The following NMUR2 variants were observed in gnomAD, a reference collection of about 807,000 sequenced individuals.
The protein encoded by NMUR2 is neuromedin U receptor 2.
NMUR2 carries 24 observed loss-of-function variants against 25.1 expected under a neutral mutation model. The ratio of observed to expected loss-of-function variants is 0.96; its 90% CI spans 0.69 to 1.34. The LOEUF (loss-of-function observed/expected upper bound fraction) is 1.34. Among genes scored for constraint, NMUR2 ranks in the 40% most tolerant of loss-of-function variants. NMUR2 has a pLI of 0.00. For missense variants in NMUR2, 533 were observed against 512.8 expected (o/e 1.04, Z -0.38); for synonymous variants, 218 against 208.1 (o/e 1.05, Z -0.41).
chr5:152,398,114 C>T lies in NMUR2; in HGVS notation c.757G>A (p.Glu253Lys), dbSNP rs761843539. The T allele has an allele frequency of 5.6e-6, 9 of 1,613,216 alleles. No individual in the cohort carries two copies. The highest frequency in any genetic ancestry group is 3.3e-5 in the Admixed American group (2 of 59,938). Residue 253 changes from glutamate to lysine, a missense_variant, in exon 2 of 4, where the codon GAA becomes AAA. Glu to Lys is a moderately conservative substitution (Grantham distance 56). Transcript: ENST00000255262. ...LKKDKSLEAD[E>K]GNANIQRPCR... ...GGTCTTTGAATATTTGCATTCCCTTCATCTGCCTCAAGAGATTTGTCTTTC... is the reference window on the plus strand; with the variant it reads ...GGTCTTTGAATATTTGCATTCCCTTTATCTGCCTCAAGAGATTTGTCTTTC...
Position 152,391,645 on chromosome 5 carries a change from C to G in NMUR2, c.*546G>C, listed in dbSNP as rs1338624233. 1.3e-5 allele frequency: 2 copies of G among 153,316 alleles called. No homozygotes were observed. The highest frequency in any genetic ancestry group is 4.8e-5 in the African/African-American group (2 of 41,550). The allele number at this position is 153,316 out of a possible 1,614,324, so 9.5% of individuals were successfully genotyped here. A position where few individuals can be genotyped will look rare whatever the true frequency, so the allele number is the denominator to read the frequency against. On this transcript the variant is annotated 3_prime_UTR_variant, in exon 4 of 4. Transcript: ENST00000255262. ...GAAGAAAGATGCCAGCAGATTTGCT[C>G]AACAGCATTGCCACAAACTTTCAAT... is the stretch of plus-strand genomic sequence containing the variant.
At chr5:152,393,764 G>T (rs1171173871) in intron 3 of NMUR2, among the ~76,000 whole-genome samples, 1 of 152,120 alleles carries the variant, frequency 6.6e-6, no homozygotes, top group Non-Finnish European at 1.5e-5. Flanking sequence ...AAGATTTAGT[G>T]GGGGGTGATT....
intron 1 of NMUR2, among the ~76,000 whole-genome samples, chr5:152,403,148 T>C (rs935739238): frequency 3.9e-5 from 6 of 152,184 alleles, no homozygotes; most frequent in African/African-American, 1.4e-4. Context: ...TGTTTTTTTT[T>C]CTTTTTTTAA....
At chr5:152,396,223 C>T (rs1242601650) in intron 2 of NMUR2, among the ~76,000 whole-genome samples, 4 of 107,652 alleles carry the variant, frequency 3.7e-5, no homozygotes, top group Admixed American at 1.1e-4. Context: ...CACACACACA[C>T]ACTTTTTTTT....
chr5:152,402,749 C>T (rs918645146), intron 1 of NMUR2, among the ~76,000 whole-genome samples: 5 of 152,196 alleles, frequency 3.3e-5, no homozygotes, highest in East Asian at 3.9e-4. Flanking sequence ...GTCTTTTCCC[C>T]GCAGTGAGAT....
chr5:152,399,766 G>A (rs1177697605), intron 1 of NMUR2, among the ~76,000 whole-genome samples: 1 of 152,074 alleles, frequency 6.6e-6, no homozygotes, highest in African/African-American at 2.4e-5. Context: ...ATTTACCCAG[G>A]GTTGGAGTCT....
At chr5:152,399,624 A>C (rs765186666) in intron 1 of NMUR2, among the ~76,000 whole-genome samples, 2 of 152,134 alleles carry the variant, frequency 1.3e-5, no homozygotes, top group African/African-American at 2.4e-5. Context: ...GTTGAAACCA[A>C]CACCATAGAA....
Position 152,405,170 on chromosome 5 carries a change from GAA to G in NMUR2, c.-59_-58del, listed in dbSNP as rs71669210. On this transcript the variant is annotated 5_prime_UTR_variant, in exon 1 of 4. Coordinates refer to ENST00000255262, the MANE Select transcript of NMUR2 (RefSeq NM_020167.5). Reference sequence around the variant, plus strand: ...GAGGCTCTGTTTCAAGCTGAGCCAGGAAAAAAAAAAAAAAAAGAAAAAAGGAA... The same window carrying G: ...GAGGCTCTGTTTCAAGCTGAGCCAGGAAAAAAAAAAAAAAGAAAAAAGGAA... 25,459 of 1,088,680 alleles carry G rather than the reference GAA, an allele frequency of 0.023. No individual in the cohort carries two copies. The highest frequency in any genetic ancestry group is 0.03 in the South Asian group (1,367 of 45,204). The allele number at this position is 1,088,680 out of a possible 1,614,324, so 67.4% of individuals were successfully genotyped here. A position where few individuals can be genotyped will look rare whatever the true frequency, so the allele number is the denominator to read the frequency against.
At chr5:152,393,689 A>C (rs1355651755) in intron 3 of NMUR2, among the ~76,000 whole-genome samples, 1 of 152,172 alleles carries the variant, frequency 6.6e-6, no homozygotes, top group Non-Finnish European at 1.5e-5. Context: ...AACAAATATG[A>C]GATAACAAAT....
Position 152,392,456 on chromosome 5 carries a change from T to TTA in NMUR2, c.981_982dup (p.Asn328IlefsTer15). 18 of 1,613,834 alleles carry TTA rather than the reference T, an allele frequency of 1.1e-5. No homozygotes were observed. The highest frequency in any genetic ancestry group is 1.5e-5 in the Non-Finnish European group (18 of 1,179,878). On this transcript the variant is annotated frameshift_variant, in exon 4 of 4. Transcript: ENST00000255262. LOFTEE classifies it low-confidence loss of function (END_TRUNC). ...TGCCTGGAAGCGGCGAGACAGTAGG[T>TTA]TATAGATAATGGGGTTGACAGCTGA... is the stretch of plus-strand genomic sequence containing the variant.
intron 3 of NMUR2, among the ~76,000 whole-genome samples, chr5:152,393,779 T>G (rs1262544113): frequency 3.9e-5 from 6 of 152,226 alleles, no homozygotes; most frequent in Middle Eastern, 3.4e-3. Flanking sequence ...GTGATTGAAC[T>G]CTAGCCAGGC....
intron 1 of NMUR2, among the ~76,000 whole-genome samples, chr5:152,400,451 G>T (rs1422642494): frequency 2.0e-5 from 3 of 152,102 alleles, no homozygotes; most frequent in African/African-American, 7.2e-5. Context: ...CAGAAAAAAT[G>T]ATTTTTAAAA....
At chr5:152,397,964 A>T in intron 2 of NMUR2, 96 bp downstream of exon 2, 1 of 799,794 alleles carries the variant, frequency 1.3e-6, no homozygotes, top group Non-Finnish European at 2.1e-6. Flanking sequence ...TTTCAGGATA[A>T]ATTGGAACCT....
chr5:152,400,994 C>T (rs1036510062), intron 1 of NMUR2, among the ~76,000 whole-genome samples: 5 of 152,180 alleles, frequency 3.3e-5, no homozygotes, highest in Admixed American at 6.5e-5. Context: ...AATGACCTAA[C>T]TAGCTAACTA....
In NMUR2 at chr5:152,398,133, G is replaced by A; in HGVS notation, c.738C>T (p.Asp246=). 1 of 1,612,148 alleles carries A rather than the reference G, an allele frequency of 6.2e-7. No individual in the cohort carries two copies. Among genetic ancestry groups the A allele is most frequent in the Non-Finnish European group, 8.5e-7 (1 of 1,178,704 alleles). The part of the protein sequence containing the change: ...YYLMALRLKK[D]KSLEADEGNA... ...TCCCTTCATCTGCCTCAAGAGATTTGTCTTTCTTTAGCTGAAAGGGAAGTA... is the reference window on the plus strand; with the variant it reads ...TCCCTTCATCTGCCTCAAGAGATTTATCTTTCTTTAGCTGAAAGGGAAGTA... The change falls in exon 2 of 4, where the codon GAC becomes GAT. Residue 246 remains aspartate (D), a synonymous_variant. Coordinates refer to ENST00000255262, the MANE Select transcript of NMUR2 (RefSeq NM_020167.5).
In NMUR2 at chr5:152,391,666, T is replaced by C. The variant is rs1047820146; in HGVS notation, c.*525A>G. 1.3e-5 allele frequency: 2 copies of C among 153,318 alleles called. No homozygotes were observed. Among genetic ancestry groups the C allele is most frequent in the African/African-American group, 4.8e-5 (2 of 41,454 alleles). The allele number at this position is 153,318 out of a possible 1,614,324, so 9.5% of individuals were successfully genotyped here. On this transcript the variant is annotated 3_prime_UTR_variant, in exon 4 of 4. Coordinates refer to ENST00000255262, the MANE Select transcript of NMUR2 (RefSeq NM_020167.5). Reference sequence around the variant, plus strand: ...TGCTCAACAGCATTGCCACAAACTTTCAATTTTTTTAAAAGTGCAATATTT... The same window carrying C: ...TGCTCAACAGCATTGCCACAAACTTCCAATTTTTTTAAAAGTGCAATATTT...
At chr5:152,398,223 C>G in intron 1 of NMUR2, 79 bp from the exon 2 acceptor site, 2 of 980,796 alleles carry the variant, frequency 2.0e-6, no homozygotes, top group Non-Finnish European at 3.2e-6. Flanking sequence ...AAACATAACT[C>G]AAACGCTCAT....
chr5:152,404,667 T>A lies in NMUR2; in HGVS notation c.447A>T (p.Leu149=). ...TCTGCAGTTTGGCGCGGAACGGGTG[T>A]AGGATGGCCACGTAGCGCTCCACGC... ...TVSVERYVAI[L]HPFRAKLQST... is the part of the protein sequence containing the mutation. Residue 149 remains leucine, a synonymous_variant, in exon 1 of 4, where the codon CTA becomes CTT. Coordinates refer to ENST00000255262, the MANE Select transcript of NMUR2 (RefSeq NM_020167.5). 1 of 1,613,870 alleles carries A rather than the reference T, an allele frequency of 6.2e-7. No individual in the cohort carries two copies. Among genetic ancestry groups the A allele is most frequent in the Non-Finnish European group, 8.5e-7 (1 of 1,179,964 alleles).
At chr5:152,396,336 G>A (rs1753150417) in intron 2 of NMUR2, among the ~76,000 whole-genome samples, 1 of 151,992 alleles carries the variant, frequency 6.6e-6, no homozygotes. Flanking sequence ...GGGTATACAT[G>A]AAACAAGATT....
Sources: allele counts gnomAD v4.1 joint callset (sites outside exome capture counted in the v4.1 genomes callset), GRCh38; gene constraint gnomAD v4.1.1; transcripts MANE v1.5; gene names NCBI Gene and HGNC (gene_info 2026-07-23, HGNC 2026-07-21).